Variants in MED25 observed in about 807,000 individuals in gnomAD.
MED25 encodes the protein mediator of RNA polymerase II transcription subunit 25.
In MED25, 62 loss-of-function variants were observed where a neutral mutation model predicts 89.4. The observed-to-expected ratio is 0.69, with a 90% confidence interval of 0.57 to 0.86. MED25 has a LOEUF of 0.86. Among genes scored for constraint, MED25 ranks in the 40% least tolerant of loss-of-function variants. MED25 has a pLI of 0.00. For missense variants in MED25, 905 were observed against 1,005.2 expected (o/e 0.90, Z 1.35); for synonymous variants, 449 against 427.9 (o/e 1.05, Z -0.61).
rs1262715638 is a variant in MED25 at position 49,835,978 on chromosome 19, A to G, written c.1965+33A>G. On this transcript the variant is annotated intron_variant, in intron 16 of 17. Coordinates refer to ENST00000312865, the MANE Select transcript of MED25 (RefSeq NM_030973.4). This position sits in a 1 kb window ranked among gnomAD's most constrained non-coding sequence, Gnocchi z 6.2. Reference sequence around the variant, plus strand: ...GTTGGGGTGGGGTAGCGAGAGTTCCAGATCCTGGCCCTGGTGGTTCTGGTC... The same window carrying G: ...GTTGGGGTGGGGTAGCGAGAGTTCCGGATCCTGGCCCTGGTGGTTCTGGTC... The G allele has an allele frequency of 6.2e-7, 1 of 1,610,610 alleles. No homozygotes were observed. The highest frequency in any genetic ancestry group is 2.2e-5 in the East Asian group (1 of 44,702).
rs1338661022 is a variant in MED25, at chr19:49,835,520, C to A, written c.1675-14C>A. The A allele has an allele frequency of 6.5e-7, 1 of 1,541,394 alleles. No homozygotes were observed. The highest frequency in any genetic ancestry group is 8.8e-7 in the Non-Finnish European group (1 of 1,142,672). ...CACCCTCAGTTACTGACCTGCCCCT[C>A]TCTCCCCGTGCAGATGGGGGGACAG... is the stretch of plus-strand genomic sequence containing the variant. On this transcript the variant is annotated splice_polypyrimidine_tract_variant and intron_variant, in intron 14 of 17. Coordinates refer to ENST00000312865, the MANE Select transcript of MED25 (RefSeq NM_030973.4). This position sits in a 1 kb window ranked among gnomAD's most constrained non-coding sequence, Gnocchi z 6.2.
chr19:49,827,326 T>C (rs1305324507), intron 3 of MED25, among the ~76,000 whole-genome samples: 1 of 152,176 alleles, frequency 6.6e-6, no homozygotes, highest in Admixed American at 6.5e-5. Context: ...TGTGTGTTAG[T>C]TTCCCAGGCT....
rs774021885 is a variant in MED25 at position 49,829,116 on chromosome 19, G to A, written c.525+26G>A. On this transcript the variant is annotated intron_variant, in intron 5 of 17. Coordinates refer to ENST00000312865, the MANE Select transcript of MED25 (RefSeq NM_030973.4). The surrounding 1 kb of genome is among the most constrained non-coding windows in gnomAD (Gnocchi z 4.6). Reference sequence around the variant, plus strand: ...GTGAGGACTCCAGGGTCTGAGGGACGAGGGTCTGGGGGCCCGGAGTCTTGG... The same window carrying A: ...GTGAGGACTCCAGGGTCTGAGGGACAAGGGTCTGGGGGCCCGGAGTCTTGG... The A allele has an allele frequency of 6.9e-6, 11 of 1,604,458 alleles. No individual in the cohort carries two copies. Among genetic ancestry groups the A allele is most frequent in the South Asian group, 3.3e-5 (3 of 90,248 alleles).
intron 3 of MED25, among the ~76,000 whole-genome samples, chr19:49,827,573 C>T (rs1377903341): frequency 1.3e-5 from 2 of 152,124 alleles, no homozygotes; most frequent in African/African-American, 4.8e-5. Flanking sequence ...TCCGTGTCCA[C>T]GTTTCTCCTT....
downstream of MED25, chr19:49,838,655 T>C: frequency 2.2e-6 from 1 of 457,192 alleles, no homozygotes; most frequent in South Asian, 1.5e-5. Flanking sequence ...TTTGTGGAAG[T>C]GAAGAGCATG....
At chr19:49,819,784 G>A (rs953540912) in intron 3 of MED25, 5 of 267,032 alleles carry the variant, frequency 1.9e-5, no homozygotes, top group African/African-American at 9.0e-5. Flanking sequence ...GCAGGGGGAT[G>A]GGTCAGAGCC....
chr19:49,819,477 G>A (rs1321492517), intron 3 of MED25, 181 bp downstream of exon 3: 1 of 673,132 alleles, frequency 1.5e-6, no homozygotes, highest in Non-Finnish European at 2.6e-6. Context: ...GTCCCTGCGA[G>A]GGGCCGTGAA....
rs984716726 is a variant in MED25 at position 49,835,694 on chromosome 19, C to A, written c.1747-33C>A. On this transcript the variant is annotated intron_variant, in intron 15 of 17. Coordinates refer to ENST00000312865, the MANE Select transcript of MED25 (RefSeq NM_030973.4). This position sits in a 1 kb window ranked among gnomAD's most constrained non-coding sequence, Gnocchi z 6.2. ...TGCAGAAGGGGCGTGAGGCCCTGCCCATCTCCCTCACCCCTGTGTCTCTTC... is the reference window on the plus strand; with the variant it reads ...TGCAGAAGGGGCGTGAGGCCCTGCCAATCTCCCTCACCCCTGTGTCTCTTC... 6.9e-6 allele frequency: 11 copies of A among 1,599,584 alleles called. No homozygotes were observed. In the African/African-American group the frequency reaches 1.3e-4, roughly 20 times the overall value.
Position 49,828,576 on chromosome 19 carries a change from C to T in MED25, c.404+29C>T, listed in dbSNP as rs779464641. On this transcript the variant is annotated intron_variant, in intron 4 of 17. Transcript: ENST00000312865. Reference sequence around the variant, plus strand: ...AGTGCCCCCTCCACCCAGGCCGGGCCGGTCTCTCTCTGCCTGGCCTGGAAC... The same window carrying T: ...AGTGCCCCCTCCACCCAGGCCGGGCTGGTCTCTCTCTGCCTGGCCTGGAAC... 88 of 1,550,586 alleles carry T rather than the reference C, an allele frequency of 5.7e-5. 1 individual carries two copies. Among genetic ancestry groups the T allele is most frequent in the Admixed American group, 3.5e-4 (21 of 59,944 alleles).
At chr19:49,837,273 C>T (rs117280890), downstream of MED25, among the ~76,000 whole-genome samples, 530 of 152,314 alleles carry the variant, frequency 3.5e-3, 8 homozygotes, top group East Asian at 0.051. Flanking sequence ...GAGAATCAGC[C>T]GTCAGGCTGG....
intron 3 of MED25, among the ~76,000 whole-genome samples, chr19:49,821,655 G>C (rs1198173626): frequency 6.6e-6 from 1 of 151,460 alleles, no homozygotes; most frequent in African/African-American, 2.4e-5. Context: ...CTGGAGTGCT[G>C]AAATTACAGG....
chr19:49,819,009 C>A (rs556848735), intron 2 of MED25, 163 bp from the exon 3 acceptor site: 3 of 884,824 alleles, frequency 3.4e-6, no homozygotes, highest in East Asian at 2.7e-5. Context: ...ATTCCTGGGT[C>A]TGAGGGAGAA....
rs1186213277 is a variant in MED25, at chr19:49,836,210, C to T, written c.1966-16C>T. 2 of 1,611,308 alleles carry T rather than the reference C, an allele frequency of 1.2e-6. No homozygotes were observed. The highest frequency in any genetic ancestry group is 1.7e-5 in the Admixed American group (1 of 60,006). On this transcript the variant is annotated splice_polypyrimidine_tract_variant and intron_variant, in intron 16 of 17. Coordinates refer to ENST00000312865, the MANE Select transcript of MED25 (RefSeq NM_030973.4). This position sits in a 1 kb window ranked among gnomAD's most constrained non-coding sequence, Gnocchi z 5.1. ...CTCTACCAGGAGCCTCTGAGCCACTCTCTGTGTTCTCCCAGCCGCAGACTG... is the reference window on the plus strand; with the variant it reads ...CTCTACCAGGAGCCTCTGAGCCACTTTCTGTGTTCTCCCAGCCGCAGACTG...
At position 49,835,246 on chromosome 19, in the gene MED25, G is replaced by A. The variant is rs2074087165; in HGVS notation, c.1674+69G>A. 1.3e-6 allele frequency: 2 copies of A among 1,542,108 alleles called. No homozygotes were observed. The highest frequency in any genetic ancestry group is 1.7e-4 in the Middle Eastern group (1 of 5,928). The stretch of plus-strand genomic sequence containing the variant: ...GCCCGGGCCCCACATGGCCCCCTGG[G>A]GTCTCCAGGACCAAGATGCCCACCC... On this transcript the variant is annotated intron_variant, in intron 14 of 17. Coordinates refer to ENST00000312865, the MANE Select transcript of MED25 (RefSeq NM_030973.4). This position sits in a 1 kb window ranked among gnomAD's most constrained non-coding sequence, Gnocchi z 6.2.
intron 4 of MED25, 90 bp from the exon 5 acceptor site, chr19:49,828,880 G>A (rs1238964121): frequency 6.3e-7 from 1 of 1,585,578 alleles, no homozygotes; most frequent in East Asian, 2.3e-5. Flanking sequence ...ATGTGAGGCG[G>A]AATATGTGCA....
In MED25 at chr19:49,819,223, C is replaced by G. The variant is rs773539397; in HGVS notation, c.232C>G (p.Pro78Ala). The change falls in exon 3 of 18, where the codon CCC (proline) becomes GCC (alanine). Residue 78 changes from proline to alanine, a missense_variant. Physicochemically the swap from Pro to Ala is conservative, Grantham distance 27 (BLOSUM62 -1). This residue lies in a region of MED25 where 501 missense variants were observed against 526.9 expected (regional missense o/e 0.95). Coordinates refer to ENST00000312865, the MANE Select transcript of MED25 (RefSeq NM_030973.4). ...GGTGTTCAACACAGTGGACTGCGCT[C>G]CCGAGTCCTACGTACAATGTCACGC... ...LVVFNTVDCA[P>A]ESYVQCHAPT... 15 of 1,614,110 alleles carry G rather than the reference C, an allele frequency of 9.3e-6. No homozygotes were observed. Among genetic ancestry groups the G allele is most frequent in the Non-Finnish European group, 1.3e-5 (15 of 1,180,034 alleles).
intron 3 of MED25, among the ~76,000 whole-genome samples, chr19:49,824,321 C>G (rs2074001378): frequency 6.6e-6 from 1 of 152,176 alleles, no homozygotes. Flanking sequence ...GTCCAGGTCC[C>G]TGGGTGCTTC....
chr19:49,837,234 C>T (rs956897290), downstream of MED25, among the ~76,000 whole-genome samples: 23 of 152,236 alleles, frequency 1.5e-4, no homozygotes, highest in African/African-American at 5.1e-4. Flanking sequence ...AGGCATCTGA[C>T]CCAGCCCCAG....
intron 3 of MED25, among the ~76,000 whole-genome samples, chr19:49,824,837 T>G (rs2074005502): frequency 6.6e-6 from 1 of 152,010 alleles, no homozygotes. Flanking sequence ...CTGTTAACAT[T>G]CACTCATTTT....
Sources: gnomAD v4.1 joint callset for allele counts (sites outside exome capture counted in the v4.1 genomes callset) on GRCh38, gnomAD v4.1.1 for gene constraint, gnomAD v4.1.1 regional missense constraint, Gnocchi (gnomAD v3.1) non-coding constraint, MANE v1.5 for transcripts, NCBI Gene and HGNC (gene_info 2026-07-23, HGNC 2026-07-21) for gene names.